The following TMEM184B variants were observed in gnomAD, a reference collection of about 807,000 sequenced individuals.
TMEM184B encodes putative MAPK-activating protein FM08.
TMEM184B carries 17 observed loss-of-function variants against 41.8 expected under a neutral mutation model. The ratio of observed to expected loss-of-function variants is 0.41; its 90% CI spans 0.28 to 0.61. The LOEUF (loss-of-function observed/expected upper bound fraction) is 0.61. Among genes scored for constraint, TMEM184B ranks in the 20% least tolerant of loss-of-function variants. The pLI is 0.34. For synonymous variants in TMEM184B, 240 were observed against 229.5 expected (o/e 1.05, Z -0.41); for missense variants, 393 against 557.8 (o/e 0.70, Z 2.98).
In TMEM184B at chr22:38,267,147, C is replaced by T. The variant is rs187692364; in HGVS notation, c.-59+5737G>A. Among the ~76,000 whole-genome samples, 438 of 151,214 alleles carry T rather than the reference C, an allele frequency of 2.9e-3. 5 individuals are homozygous for T. The highest frequency in any genetic ancestry group is 9.5e-3 in the African/African-American group (391 of 41,224). Reference sequence around the variant, plus strand: ...AGAAGCCTATTGTTTTTCAAAGGTACAAGACTGAGATCAACGTGGCAAACT... The same window carrying T: ...AGAAGCCTATTGTTTTTCAAAGGTATAAGACTGAGATCAACGTGGCAAACT... On this transcript the variant is annotated intron_variant, in intron 1 of 8. Transcript: ENST00000361906.
chr22:38,233,070 A>C (rs1216331727), intron 3 of TMEM184B, among the ~76,000 whole-genome samples: 1 of 152,202 alleles, frequency 6.6e-6, no homozygotes, highest in Non-Finnish European at 1.5e-5. Context: ...GGCACACCAC[A>C]ACAGTTTCAC....
chr22:38,266,814 T>C (rs1029860639), intron 1 of TMEM184B, among the ~76,000 whole-genome samples: 4 of 152,222 alleles, frequency 2.6e-5, no homozygotes, highest in Non-Finnish European at 5.9e-5. Context: ...CCGGGTACGG[T>C]GGCTCACGCC....
chr22:38,261,962 G>T (rs538629473), intron 1 of TMEM184B, among the ~76,000 whole-genome samples: 1 of 152,294 alleles, frequency 6.6e-6, no homozygotes, highest in African/African-American at 2.4e-5. Flanking sequence ...CCAGCAAAGA[G>T]CGCACACGCG....
rs1399587553 is a variant in TMEM184B at position 38,225,482 on chromosome 22, G to A, written c.729C>T (p.Tyr243=). 3.1e-6 allele frequency: 5 copies of A among 1,591,912 alleles called. No individual in the cohort carries two copies. Among genetic ancestry groups the A allele is most frequent in the Non-Finnish European group, 4.3e-6 (5 of 1,172,418 alleles). Residue 243 remains tyrosine (Y), a synonymous_variant, in exon 7 of 9, where the codon TAC becomes TAT. Coordinates refer to ENST00000361906, the MANE Select transcript of TMEM184B (RefSeq NM_012264.5). This position sits in a 1 kb window ranked among gnomAD's most constrained non-coding sequence, Gnocchi z 4.4. ...CCATGAAGAACTTGAGGACGGGGCTGTAGGGGCTGAGCAGCTCCCGGGTGG... is the reference window on the plus strand; with the variant it reads ...CCATGAAGAACTTGAGGACGGGGCTATAGGGGCTGAGCAGCTCCCGGGTGG... The part of the protein sequence containing the change: ...YFATRELLSP[Y]SPVLKFFMVK...
chr22:38,272,973 T>C lies in TMEM184B; in HGVS notation c.-148A>G, dbSNP rs1489694519. The stretch of plus-strand genomic sequence containing the variant: ...GGCGGGCGGCGCCGCAGCCCCGGAG[T>C]CTCCGCCGCCGCCGGCGCGTCCCGG... On this transcript the variant is annotated 5_prime_UTR_variant, in exon 1 of 9. Transcript: ENST00000361906. 7.8e-6 allele frequency: 2 copies of C among 255,688 alleles called. No individual in the cohort carries two copies. Among genetic ancestry groups the C allele is most frequent in the African/African-American group, 2.3e-5 (1 of 42,946 alleles). 15.8% of individuals were successfully genotyped at this position (255,688 alleles called of 1,614,324 possible).
chr22:38,225,951 C>T lies in TMEM184B; in HGVS notation c.618-358G>A, dbSNP rs943942709. 2.6e-5 allele frequency among the ~76,000 whole-genome samples: 4 copies of T among 152,224 alleles called. No individual in the cohort carries two copies. Among genetic ancestry groups the T allele is most frequent in the African/African-American group, 9.7e-5 (4 of 41,430 alleles). On this transcript the variant is annotated intron_variant, in intron 6 of 8. Transcript: ENST00000361906. The surrounding 1 kb of genome is among the most constrained non-coding windows in gnomAD (Gnocchi z 4.4). The stretch of plus-strand genomic sequence containing the variant: ...TAGGTGACGCTGCTCAGCTCTGCTG[C>T]CTTTTCACTCGGTCGGCTGCATCCC...
intron 1 of TMEM184B, among the ~76,000 whole-genome samples, chr22:38,260,135 C>A (rs1010899407): frequency 6.6e-6 from 1 of 152,164 alleles, no homozygotes; most frequent in South Asian, 2.1e-4. Flanking sequence ...GTCTTGAACT[C>A]CTGACCTTGT....
Position 38,272,689 on chromosome 22 carries a change from G to C in TMEM184B, c.-59+195C>G, listed in dbSNP as rs954245554. 20 of 985,362 alleles carry C rather than the reference G, an allele frequency of 2.0e-5. No homozygotes were observed. The African/African-American group carries it at 3.1e-4, about 15-fold the overall frequency. The allele number at this position is 985,362 out of a possible 1,614,324, so 61.0% of individuals were successfully genotyped here. ...CACGGGCGACCTCGCGGGGCGGAGA[G>C]GAGGCACGGGTGGGGAGACGGATGC... On this transcript the variant is annotated intron_variant, in intron 1 of 8. Transcript: ENST00000361906.
chr22:38,220,136 C>A lies in TMEM184B; in HGVS notation c.*1333G>T. 1 of 985,412 alleles carries A rather than the reference C, an allele frequency of 1.0e-6. No individual in the cohort carries two copies. Among genetic ancestry groups the A allele is most frequent in the Non-Finnish European group, 1.2e-6 (1 of 829,952 alleles). 61.0% of individuals were successfully genotyped at this position (985,412 alleles called of 1,614,324 possible). A position where few individuals can be genotyped will look rare whatever the true frequency, so the allele number is the denominator to read the frequency against. ...TTGCCTGTAGGGACACGTGTTGTGA[C>A]ACGAGGCTCTTCCTAAGTCAGGAGC... On this transcript the variant is annotated 3_prime_UTR_variant, in exon 9 of 9. Coordinates refer to ENST00000361906, the MANE Select transcript of TMEM184B (RefSeq NM_012264.5).
chr22:38,218,547 G>A (rs976959065), downstream of TMEM184B, among the ~76,000 whole-genome samples: 21 of 151,794 alleles, frequency 1.4e-4, no homozygotes, highest in Admixed American at 1.2e-3. Context: ...TGGGGCCCGC[G>A]GGGTAAGGGA....
In TMEM184B at chr22:38,225,792, C is replaced by T. The variant is rs1406560361; in HGVS notation, c.618-199G>A. On this transcript the variant is annotated intron_variant, in intron 6 of 8. Transcript: ENST00000361906. This position sits in a 1 kb window ranked among gnomAD's most constrained non-coding sequence, Gnocchi z 4.4. Reference sequence around the variant, plus strand: ...CATGGGGTGCGCCTGCAGGCCAGACCAGCTCTACTGCCTCTGCGTGGCTCG... The same window carrying T: ...CATGGGGTGCGCCTGCAGGCCAGACTAGCTCTACTGCCTCTGCGTGGCTCG... 6.6e-6 allele frequency among the ~76,000 whole-genome samples: 1 copy of T among 152,202 alleles called. No homozygotes were observed. Among genetic ancestry groups the T allele is most frequent in the Non-Finnish European group, 1.5e-5 (1 of 68,038 alleles).
intron 8 of TMEM184B, 112 bp downstream of exon 8, chr22:38,224,673 C>T: frequency 9.0e-7 from 1 of 1,115,128 alleles, no homozygotes; most frequent in Non-Finnish European, 1.2e-6. Flanking sequence ...GAGTGGGGAT[C>T]CCATGTCCTG....
In TMEM184B at chr22:38,226,746, T is replaced by C; in HGVS notation, c.617+33A>G. ...AGGCACCAGCCTGCGCCAACACTCCTCCCACACACCCCGGGGAGCACCCGC... is the reference window on the plus strand; with the variant it reads ...AGGCACCAGCCTGCGCCAACACTCCCCCCACACACCCCGGGGAGCACCCGC... On this transcript the variant is annotated intron_variant, in intron 6 of 8. Transcript: ENST00000361906. The surrounding 1 kb of genome is among the most constrained non-coding windows in gnomAD (Gnocchi z 4.6). 1 of 1,562,200 alleles carries C rather than the reference T, an allele frequency of 6.4e-7. No homozygotes were observed. The highest frequency in any genetic ancestry group is 8.7e-7 in the Non-Finnish European group (1 of 1,152,142).
chr22:38,234,320 G>A (rs1453197726), intron 3 of TMEM184B, among the ~76,000 whole-genome samples: 3 of 152,194 alleles, frequency 2.0e-5, no homozygotes, highest in African/African-American at 7.2e-5. Flanking sequence ...ACCGCACAGA[G>A]AGGCTCATGT....
chr22:38,234,671 G>A (rs2091723990), intron 3 of TMEM184B, among the ~76,000 whole-genome samples: 1 of 152,198 alleles, frequency 6.6e-6, no homozygotes. Context: ...GCTCACCGCA[G>A]AGGCAGACCC....
intron 3 of TMEM184B, among the ~76,000 whole-genome samples, chr22:38,236,645 G>A (rs925538994): frequency 6.6e-6 from 1 of 152,002 alleles, no homozygotes; most frequent in African/African-American, 2.4e-5. Flanking sequence ...CACCATGCCT[G>A]CCTAATTTGT....
intron 1 of TMEM184B, among the ~76,000 whole-genome samples, chr22:38,249,831 G>C (rs969666320): frequency 1.3e-5 from 2 of 152,226 alleles, no homozygotes; most frequent in Non-Finnish European, 2.9e-5. Flanking sequence ...TGACAGGCTG[G>C]TCAGTGCCAT....
chr22:38,231,519 T>C, intron 3 of TMEM184B, 185 bp from the exon 4 acceptor site: 1 of 709,438 alleles, frequency 1.4e-6, no homozygotes, highest in Admixed American at 2.0e-5. Flanking sequence ...CTCCCACTCC[T>C]AAGTTCAAAA....
At chr22:38,264,728 C>T (rs2092420196) in intron 1 of TMEM184B, among the ~76,000 whole-genome samples, 1 of 152,300 alleles carries the variant, frequency 6.6e-6, no homozygotes, top group Non-Finnish European at 1.5e-5. Flanking sequence ...GCAGGGCAGG[C>T]CTTTCTCCCA....
Sources: allele counts gnomAD v4.1 joint callset (sites outside exome capture counted in the v4.1 genomes callset), GRCh38; gene constraint gnomAD v4.1.1; non-coding constraint Gnocchi (gnomAD v3.1); transcripts MANE v1.5; gene names NCBI Gene and HGNC (gene_info 2026-07-23, HGNC 2026-07-21).